Variants in KCNH7 observed in about 807,000 individuals in gnomAD.
KCNH7 encodes potassium voltage-gated channel subfamily H member 7, also known as voltage-gated inwardly rectifying potassium channel KCNH7.
In KCNH7, 49 loss-of-function variants were observed where a neutral mutation model predicts 120.8. The ratio of observed to expected loss-of-function variants is 0.41; its 90% confidence interval spans 0.32 to 0.51. The LOEUF (loss-of-function observed/expected upper bound fraction) is 0.51. Among genes scored for constraint, KCNH7 ranks in the 20% least tolerant of loss-of-function variants. KCNH7 has a pLI of 0.38. For missense variants in KCNH7, 1,097 were observed against 1,446.6 expected, an observed-to-expected ratio of 0.76 and a Z score of 3.92; for synonymous variants, 547 against 516.1, an observed-to-expected ratio of 1.06 and a Z score of -0.81.
At chr2:162,826,433 T>TTCCC (rs1333599476) in intron 2 of KCNH7, among the ~76,000 whole-genome samples, 2 of 152,148 alleles carry the variant, frequency 1.3e-5, no homozygotes, top group East Asian at 3.9e-4. Context: ...CATTCACCTT[T>TTCCC]TCCCTTCTAG....
At chr2:162,740,128 GT>G (rs1326768128) in intron 2 of KCNH7, among the ~76,000 whole-genome samples, 1 of 152,166 alleles carries the variant, frequency 6.6e-6, no homozygotes, top group Non-Finnish European at 1.5e-5. Context: ...ATAATGTTAA[GT>G]TATCATTGCT....
intron 2 of KCNH7, among the ~76,000 whole-genome samples, chr2:162,641,571 G>A (rs923405278): frequency 3.3e-5 from 5 of 151,876 alleles, no homozygotes; most frequent in East Asian, 1.9e-4. Context: ...AAAAAAGATT[G>A]CATAGTATAT....
intron 2 of KCNH7, among the ~76,000 whole-genome samples, chr2:162,673,625 T>C (rs1574249956): frequency 1.3e-5 from 2 of 152,040 alleles, no homozygotes; most frequent in Non-Finnish European, 2.9e-5. Flanking sequence ...CAGTTAGGGG[T>C]TGCTCATTCA....
intron 2 of KCNH7, among the ~76,000 whole-genome samples, chr2:162,818,350 TG>T: frequency 6.6e-6 from 1 of 151,910 alleles, no homozygotes; most frequent in Non-Finnish European, 1.5e-5. Context: ...CTAGCTCATT[TG>T]TTGAAAAGAC....
intron 3 of KCNH7, among the ~76,000 whole-genome samples, chr2:162,520,761 C>T (rs1264510523): frequency 6.6e-6 from 1 of 151,610 alleles, no homozygotes; most frequent in African/African-American, 2.4e-5. Context: ...AGAGAGAGAC[C>T]CTATCTCTAA....
intron 2 of KCNH7, among the ~76,000 whole-genome samples, chr2:162,711,137 G>A (rs1278289147): frequency 6.6e-6 from 1 of 152,166 alleles, no homozygotes; most frequent in Non-Finnish European, 1.5e-5. Flanking sequence ...ACAAGGCCAG[G>A]GGCCAGAGTT....
chr2:162,510,836 A>G (rs1279609828), intron 5 of KCNH7, among the ~76,000 whole-genome samples: 1 of 151,710 alleles, frequency 6.6e-6, no homozygotes, highest in Non-Finnish European at 1.5e-5. Flanking sequence ...AGAGGCAGAC[A>G]CTTAAACATT....
chr2:162,646,761 T>C (rs1341438390), intron 2 of KCNH7, among the ~76,000 whole-genome samples: 1 of 152,018 alleles, frequency 6.6e-6, no homozygotes, highest in Admixed American at 6.6e-5. Flanking sequence ...AAAAGGGACA[T>C]CAGATACACA....
rs142378106 is a variant in KCNH7, at chr2:162,684,534, G to A, written c.308-147454C>T. ...AACAAACAACCCCATCAAAATGTGG[G>A]CCAAGGGTATGAACAGACACTTCTC... On this transcript the variant is annotated intron_variant, in intron 2 of 15. Transcript: ENST00000332142. Among the ~76,000 whole-genome samples, 1,047 of 152,174 alleles carry A rather than the reference G, an allele frequency of 6.9e-3. 15 individuals carry two copies. The highest frequency in any genetic ancestry group is 0.024 in the African/African-American group (987 of 41,528).
intron 2 of KCNH7, among the ~76,000 whole-genome samples, chr2:162,655,272 TA>T (rs1286009312): frequency 6.6e-5 from 10 of 152,162 alleles, no homozygotes; most frequent in African/African-American, 2.4e-4. Flanking sequence ...TTTTATCAAT[TA>T]AAAAATAAAT....
chr2:162,778,044 T>G (rs1683319287), intron 2 of KCNH7, among the ~76,000 whole-genome samples: 1 of 152,066 alleles, frequency 6.6e-6, no homozygotes, highest in Admixed American at 6.6e-5. Context: ...TTCAATAAAA[T>G]TTAAGTTCCT....
chr2:162,794,683 T>C (rs1050041610), intron 2 of KCNH7, among the ~76,000 whole-genome samples: 1 of 152,052 alleles, frequency 6.6e-6, no homozygotes, highest in Non-Finnish European at 1.5e-5. Context: ...AAGTTTTACT[T>C]GATTGAATTA....
intron 2 of KCNH7, among the ~76,000 whole-genome samples, chr2:162,807,961 C>T (rs1038286842): frequency 1.3e-5 from 2 of 152,292 alleles, no homozygotes; most frequent in South Asian, 4.1e-4. Context: ...GGATTACAGG[C>T]GTGAGCCACC....
chr2:162,572,171 A>T (rs1288524061), intron 2 of KCNH7, among the ~76,000 whole-genome samples: 1 of 152,116 alleles, frequency 6.6e-6, no homozygotes, highest in East Asian at 1.9e-4. Context: ...AATATCCAGA[A>T]TCTATAATGA....
intron 6 of KCNH7, among the ~76,000 whole-genome samples, chr2:162,500,677 C>A (rs1357531086): frequency 6.6e-6 from 1 of 151,914 alleles, no homozygotes; most frequent in African/African-American, 2.4e-5. Flanking sequence ...AATCTATAAG[C>A]AAAATCTTGA....
intron 2 of KCNH7, among the ~76,000 whole-genome samples, chr2:162,835,384 G>A (rs191025346): frequency 5.7e-4 from 86 of 151,830 alleles, no homozygotes; most frequent in Non-Finnish European, 1.0e-3. Flanking sequence ...TTTCTCTCTA[G>A]TATACCAAAT....
At chr2:162,694,747 T>C (rs1686229724) in intron 2 of KCNH7, among the ~76,000 whole-genome samples, 1 of 151,428 alleles carries the variant, frequency 6.6e-6, no homozygotes, top group South Asian at 2.1e-4. Context: ...AACAAACTTG[T>C]ATTTTTTTTT....
chr2:162,813,953 A>G (rs1684823978), intron 2 of KCNH7, among the ~76,000 whole-genome samples: 1 of 152,166 alleles, frequency 6.6e-6, no homozygotes, highest in Admixed American at 6.6e-5. Context: ...TAATATGTCT[A>G]CAGTAAAAAA....
chr2:162,659,407 T>C (rs934783976), intron 2 of KCNH7, among the ~76,000 whole-genome samples: 20 of 151,334 alleles, frequency 1.3e-4, no homozygotes, highest in African/African-American at 4.8e-4. Context: ...AGTAGCACAA[T>C]CTTGGCTCAC....
Sources: allele counts gnomAD v4.1 joint callset (sites outside exome capture counted in the v4.1 genomes callset), GRCh38; gene constraint gnomAD v4.1.1; transcripts MANE v1.5; gene names NCBI Gene and HGNC (gene_info 2026-07-23, HGNC 2026-07-21).